The following CCDC178 variants were observed in gnomAD, a reference collection of about 807,000 sequenced individuals.
CCDC178 encodes the protein coiled-coil domain-containing protein 178.
CCDC178 carries 126 observed loss-of-function variants against 117.4 expected under a neutral mutation model. The ratio of observed to expected loss-of-function variants is 1.07; its 90% CI spans 0.93 to 1.24. The LOEUF (loss-of-function observed/expected upper bound fraction) is 1.24, where lower values mean the gene tolerates loss of function less well. Ranked by LOEUF, CCDC178 falls within the 50% of genes most tolerant of loss-of-function variation. The pLI, the probability that CCDC178 is intolerant of heterozygous loss-of-function variation, is 0.00. For missense variants in CCDC178, 1,030 were observed against 986.9 expected, an observed-to-expected ratio of 1.04 and a Z score of -0.59; for synonymous variants, 283 against 313.4, an observed-to-expected ratio of 0.90 and a Z score of 1.02.
chr18:33,360,053 GA>G (rs1277278203), intron 6 of CCDC178, among the ~76,000 whole-genome samples: 2 of 151,050 alleles, frequency 1.3e-5, no homozygotes, highest in Non-Finnish European at 3.0e-5. Context: ...CCTTATGTTA[GA>G]AATTTTTTTT....
intron 11 of CCDC178, among the ~76,000 whole-genome samples, chr18:33,295,545 C>T (rs1433328194): frequency 1.3e-5 from 2 of 151,934 alleles, no homozygotes; most frequent in Non-Finnish European, 2.9e-5. Flanking sequence ...ATAACATATC[C>T]GATTAAAAAT....
intron 22 of CCDC178, among the ~76,000 whole-genome samples, chr18:32,961,642 T>G (rs1324453082): frequency 2.0e-5 from 3 of 152,100 alleles, no homozygotes; most frequent in Non-Finnish European, 4.4e-5. Context: ...CCACTTCATA[T>G]CATCAGGCAT....
intron 21 of CCDC178, among the ~76,000 whole-genome samples, chr18:33,023,772 TA>T (rs1006332714): frequency 2.6e-5 from 4 of 151,938 alleles, no homozygotes; most frequent in African/African-American, 9.7e-5. Flanking sequence ...ATCAATAAAA[TA>T]AAGATCTAAA....
chr18:33,241,530 A>T (rs1367477500), intron 15 of CCDC178, among the ~76,000 whole-genome samples: 1 of 151,710 alleles, frequency 6.6e-6, no homozygotes, highest in Non-Finnish European at 1.5e-5. Flanking sequence ...TGCGAGATAT[A>T]AAGTCAACAT....
At chr18:33,012,498 C>T (rs2055891352) in intron 21 of CCDC178, among the ~76,000 whole-genome samples, 1 of 152,068 alleles carries the variant, frequency 6.6e-6, no homozygotes, top group Non-Finnish European at 1.5e-5. Flanking sequence ...ATAAAAAGTT[C>T]CTATATATAA....
chr18:32,938,095 T>C lies in CCDC178; in HGVS notation c.2524-4A>G, dbSNP rs2144575533. The C allele has an allele frequency of 6.2e-7, 1 of 1,609,056 alleles. No homozygotes were observed. The highest frequency in any genetic ancestry group is 2.2e-5 in the East Asian group (1 of 44,844). On this transcript the variant is annotated splice_region_variant and splice_polypyrimidine_tract_variant and intron_variant, in intron 22 of 22. Transcript: ENST00000383096. ...GCATTAAATTTGAAGATTCCTCCTG[T>C]TCAGAAGCAAGAAACAAACAAAATC... is the stretch of plus-strand genomic sequence containing the variant.
intron 5 of CCDC178, among the ~76,000 whole-genome samples, chr18:33,375,216 AC>A (rs2063349246): frequency 6.6e-6 from 1 of 152,216 alleles, no homozygotes; most frequent in Admixed American, 6.5e-5. Context: ...ATACTAAAAA[AC>A]ATTGTAGACA....
chr18:33,394,985 A>G (rs1291579390), intron 4 of CCDC178, among the ~76,000 whole-genome samples: 7 of 128,060 alleles, frequency 5.5e-5, no homozygotes, highest in South Asian at 2.5e-4. Flanking sequence ...ATATATATAT[A>G]TATGTATACA....
At chr18:32,965,480 A>G (rs1257900732) in intron 22 of CCDC178, among the ~76,000 whole-genome samples, 1 of 151,840 alleles carries the variant, frequency 6.6e-6, no homozygotes, top group Non-Finnish European at 1.5e-5. Context: ...AGCCTGACAT[A>G]TTTTAGATAT....
intron 5 of CCDC178, among the ~76,000 whole-genome samples, chr18:33,376,041 C>T (rs1351019437): frequency 7.2e-5 from 11 of 152,122 alleles, no homozygotes; most frequent in African/African-American, 1.4e-4. Flanking sequence ...AAACCAAGTG[C>T]GCAGCTTGAC....
intron 14 of CCDC178, among the ~76,000 whole-genome samples, chr18:33,263,790 C>A (rs561294833): frequency 7.9e-5 from 12 of 152,010 alleles, no homozygotes; most frequent in African/African-American, 2.7e-4. Context: ...TATCCAAGGA[C>A]ACAAGTTGAA....
At chr18:33,050,859 A>G (rs1314276851) in intron 21 of CCDC178, among the ~76,000 whole-genome samples, 1 of 152,182 alleles carries the variant, frequency 6.6e-6, no homozygotes, top group Non-Finnish European at 1.5e-5. Flanking sequence ...TAAAAGCTTC[A>G]TCTATTTAGT....
intron 21 of CCDC178, among the ~76,000 whole-genome samples, chr18:33,075,834 T>C (rs1170176091): frequency 6.6e-6 from 1 of 151,962 alleles, no homozygotes; most frequent in Non-Finnish European, 1.5e-5. Flanking sequence ...CCAGGCATGG[T>C]GGTATATGCC....
At chr18:33,293,504 A>T (rs920618877) in intron 11 of CCDC178, among the ~76,000 whole-genome samples, 192 bp from the exon 12 acceptor site, 27 of 152,154 alleles carry the variant, frequency 1.8e-4, no homozygotes, top group Non-Finnish European at 2.1e-4. Flanking sequence ...TACAAAAAAA[A>T]AAAATTGAAA....
At chr18:33,415,685 TTAA>T (rs1156397267) in intron 2 of CCDC178, among the ~76,000 whole-genome samples, 1 of 151,960 alleles carries the variant, frequency 6.6e-6, no homozygotes, top group Non-Finnish European at 1.5e-5. Flanking sequence ...ACCCTAGAAC[TTAA>T]AGTATAGTTT....
chr18:33,221,635 T>A (rs1044598257), intron 18 of CCDC178, among the ~76,000 whole-genome samples: 3 of 152,102 alleles, frequency 2.0e-5, no homozygotes, highest in Non-Finnish European at 4.4e-5. Flanking sequence ...GAACTATACT[T>A]CTTTTGTAAG....
intron 15 of CCDC178, among the ~76,000 whole-genome samples, chr18:33,240,033 C>T (rs1006681322): frequency 6.6e-6 from 1 of 151,792 alleles, no homozygotes; most frequent in African/African-American, 2.4e-5. Flanking sequence ...AAAATTATAT[C>T]AAGTATCTTC....
At chr18:33,358,918 A>T (rs1334262130) in intron 6 of CCDC178, among the ~76,000 whole-genome samples, 5 of 152,034 alleles carry the variant, frequency 3.3e-5, no homozygotes, top group African/African-American at 1.2e-4. Context: ...CAAAAGATAA[A>T]TTGGCATTTT....
intron 3 of CCDC178, among the ~76,000 whole-genome samples, chr18:33,411,364 C>A (rs1016320200): frequency 6.6e-6 from 1 of 151,876 alleles, no homozygotes; most frequent in Non-Finnish European, 1.5e-5. Flanking sequence ...CTTCTTTTTT[C>A]TTTTCTTTTC....
Sources: gnomAD v4.1 joint callset for allele counts (sites outside exome capture counted in the v4.1 genomes callset) on GRCh38, gnomAD v4.1.1 for gene constraint, MANE v1.5 for transcripts, NCBI Gene and HGNC (gene_info 2026-07-23, HGNC 2026-07-21) for gene names.